Variants in PSD3 observed in about 807,000 individuals in gnomAD.
The protein encoded by PSD3 is pleckstrin and Sec7 domain containing 3, also known as PH and SEC7 domain-containing protein 3.
PSD3 carries 49 observed loss-of-function variants against 105.5 expected under a neutral mutation model. The ratio of observed to expected loss-of-function variants is 0.46; its 90% CI spans 0.37 to 0.59. The LOEUF (loss-of-function observed/expected upper bound fraction) is 0.59. PSD3 is among the 20% of genes least tolerant of loss of function. The pLI, the probability that PSD3 is intolerant of heterozygous loss-of-function variation, is 0.00. For missense variants in PSD3, 1,561 were observed against 1,263.8 expected, an observed-to-expected ratio of 1.24 and a Z score of -3.57; for synonymous variants, 557 against 457.8, an observed-to-expected ratio of 1.22 and a Z score of -2.77.
intron 9 of PSD3, among the ~76,000 whole-genome samples, chr8:18,749,319 G>T (rs575012872): frequency 6.6e-6 from 1 of 152,088 alleles, no homozygotes; most frequent in African/African-American, 2.4e-5. Flanking sequence ...AGCACCCATC[G>T]GAACTACGTT....
At chr8:19,042,997 A>G (rs892473012) in intron 1 of PSD3, among the ~76,000 whole-genome samples, 3 of 152,238 alleles carry the variant, frequency 2.0e-5, no homozygotes, top group Admixed American at 6.5e-5. Context: ...ATGTTCCTCA[A>G]TTCAACCTAC....
chr8:18,569,454 C>T (rs972604874), intron 14 of PSD3, among the ~76,000 whole-genome samples: 1 of 150,262 alleles, frequency 6.7e-6, no homozygotes, highest in Non-Finnish European at 1.5e-5. Context: ...TTCTTATACA[C>T]CAACAACAGA....
intron 8 of PSD3, among the ~76,000 whole-genome samples, chr8:18,783,704 G>T (rs1031576090): frequency 5.9e-5 from 9 of 152,170 alleles, no homozygotes; most frequent in Non-Finnish European, 8.8e-5. Context: ...CACAATCTCA[G>T]CTCACTGCAA....
At chr8:18,723,793 A>G (rs1803161391) in intron 9 of PSD3, among the ~76,000 whole-genome samples, 1 of 152,204 alleles carries the variant, frequency 6.6e-6, no homozygotes, top group South Asian at 2.1e-4. Context: ...TTAAGAACAC[A>G]TTTTTAATTC....
chr8:19,080,733 G>C (rs1029124313), intron 1 of PSD3, among the ~76,000 whole-genome samples: 19 of 152,180 alleles, frequency 1.2e-4, no homozygotes, highest in Non-Finnish European at 2.2e-4. Context: ...GGTGAGGTAG[G>C]AAGGGAGAAA....
At chr8:18,827,118 C>A (rs1813256693) in intron 4 of PSD3, among the ~76,000 whole-genome samples, 1 of 152,148 alleles carries the variant, frequency 6.6e-6, no homozygotes, top group African/African-American at 2.4e-5. Flanking sequence ...CTGCCGGGCA[C>A]CATATGAATA....
chr8:18,554,080 C>T lies in PSD3; in HGVS notation c.2928+2129G>A, dbSNP rs184033986. The stretch of plus-strand genomic sequence containing the variant: ...ATTTTCAGAAAAGAGGTAGCGCTGT[C>T]GACTCAAAAGTAGGGAGGGCTCCTA... On this transcript the variant is annotated intron_variant, in intron 15 of 15. Coordinates refer to ENST00000327040, the MANE Select transcript of PSD3 (RefSeq NM_015310.4). Among the ~76,000 whole-genome samples, 229 of 152,256 alleles carry T rather than the reference C, an allele frequency of 1.5e-3. 1 individual carries two copies. The highest frequency in any genetic ancestry group is 5.2e-3 in the African/African-American group (218 of 41,552).
intron 8 of PSD3, 83 bp from the exon 9 acceptor site, chr8:18,765,621 A>T: frequency 8.3e-7 from 1 of 1,206,792 alleles, no homozygotes; most frequent in South Asian, 1.2e-5. Flanking sequence ...GCAGACCAAT[A>T]ATTTGTTTCT....
chr8:18,859,675 A>T (rs1183526031), intron 4 of PSD3, among the ~76,000 whole-genome samples: 1 of 152,204 alleles, frequency 6.6e-6, no homozygotes, highest in East Asian at 1.9e-4. Context: ...CTTTTATGTT[A>T]CGGAGATAGC....
chr8:18,554,124 T>C (rs1275618341), intron 15 of PSD3, among the ~76,000 whole-genome samples: 4 of 152,328 alleles, frequency 2.6e-5, no homozygotes, highest in South Asian at 4.1e-4. Flanking sequence ...AAGCTTTCCA[T>C]GGCCTTGCAG....
At chr8:18,804,421 TTA>T in intron 6 of PSD3, 99 bp downstream of exon 6, 5 of 741,906 alleles carry the variant, frequency 6.7e-6, no homozygotes, top group South Asian at 3.7e-5. Flanking sequence ...ACATGGAGGT[TTA>T]AAAAAAAAAA....
intron 11 of PSD3, among the ~76,000 whole-genome samples, chr8:18,611,786 G>A (rs567428508): frequency 6.6e-6 from 1 of 152,262 alleles, no homozygotes; most frequent in Admixed American, 6.5e-5. Flanking sequence ...ACATTAACAG[G>A]CAGCTGTAAC....
chr8:18,557,041 C>G (rs1258198225), intron 14 of PSD3, among the ~76,000 whole-genome samples: 1 of 152,160 alleles, frequency 6.6e-6, no homozygotes, highest in African/African-American at 2.4e-5. Flanking sequence ...TATGGTTGAT[C>G]CTACATCAAA....
intron 9 of PSD3, among the ~76,000 whole-genome samples, chr8:18,686,913 T>C (rs908638681): frequency 6.6e-6 from 1 of 152,142 alleles, no homozygotes; most frequent in African/African-American, 2.4e-5. Context: ...CTCAGTATCT[T>C]TTTCCAAAAG....
At chr8:18,864,441 T>A (rs1586261106) in intron 4 of PSD3, among the ~76,000 whole-genome samples, 1 of 152,374 alleles carries the variant, frequency 6.6e-6, no homozygotes, top group African/African-American at 2.4e-5. Flanking sequence ...CACACAATTA[T>A]GTTCAGAGAC....
At chr8:18,967,100 C>G (rs1006457148) in intron 1 of PSD3, among the ~76,000 whole-genome samples, 1 of 152,082 alleles carries the variant, frequency 6.6e-6, no homozygotes, top group African/African-American at 2.4e-5. Context: ...TTTCTTTTCA[C>G]GTGGGCTGTA....
intron 12 of PSD3, among the ~76,000 whole-genome samples, chr8:18,576,901 T>A (rs1313579539): frequency 1.5e-4 from 23 of 152,070 alleles, no homozygotes; most frequent in Non-Finnish European, 2.8e-4. Context: ...TTTTTTTTTT[T>A]TATATTCTAG....
chr8:18,682,496 G>A (rs2130956341), intron 9 of PSD3, among the ~76,000 whole-genome samples: 1 of 152,086 alleles, frequency 6.6e-6, no homozygotes, highest in East Asian at 1.9e-4. Flanking sequence ...TCCCTATACA[G>A]GTCACATTAA....
At chr8:18,820,052 T>C (rs1204944052) in intron 4 of PSD3, among the ~76,000 whole-genome samples, 2 of 152,184 alleles carry the variant, frequency 1.3e-5, no homozygotes, top group African/African-American at 2.4e-5. Context: ...GTATTATTTA[T>C]GCAGGCAAGC....
Sources: allele counts gnomAD v4.1 joint callset (sites outside exome capture counted in the v4.1 genomes callset), GRCh38; gene constraint gnomAD v4.1.1; transcripts MANE v1.5; gene names NCBI Gene and HGNC (gene_info 2026-07-23, HGNC 2026-07-21).